Variants in NREP observed in about 807,000 individuals in gnomAD.
The protein encoded by NREP is neuronal regeneration-related protein.
NREP carries 5 observed loss-of-function variants against 8.6 expected under a neutral mutation model. The ratio of observed to expected loss-of-function variants is 0.58; its 90% confidence interval spans 0.30 to 1.22. The LOEUF (loss-of-function observed/expected upper bound fraction) is 1.22, where lower values mean the gene tolerates loss of function less well. NREP is among the 50% of genes most tolerant of loss of function. The pLI is 0.07. For synonymous variants in NREP, 27 were observed against 28.0 expected (o/e 0.96, Z 0.11); for missense variants, 86 against 82.5 (o/e 1.04, Z -0.17).
At position 111,969,866 on chromosome 5, in the gene NREP, T is replaced by C. The variant is rs141978175; in HGVS notation, c.135+5408A>G. On this transcript the variant is annotated intron_variant, in intron 2 of 3. Coordinates refer to the NREP transcript ENST00000395634. ...TCACTGGGTAAAAATGTGGTACTGGTGGATTGAGAAGGGTGGGGACTAGTG... is the reference window on the plus strand; with the variant it reads ...TCACTGGGTAAAAATGTGGTACTGGCGGATTGAGAAGGGTGGGGACTAGTG... Among the ~76,000 whole-genome samples, 233 of 152,212 alleles carry C rather than the reference T, an allele frequency of 1.5e-3. 2 individuals are homozygous for C. Among genetic ancestry groups the C allele is most frequent in the African/African-American group, 5.4e-3 (225 of 41,516 alleles).
chr5:111,881,576 C>A (rs1489208619), intron 2 of NREP, among the ~76,000 whole-genome samples: 1 of 152,122 alleles, frequency 6.6e-6, no homozygotes. Flanking sequence ...CTGGGAGGCA[C>A]CCCCCAGTAG....
At chr5:111,959,860 G>A (rs572885921) in intron 2 of NREP, among the ~76,000 whole-genome samples, 10 of 151,082 alleles carry the variant, frequency 6.6e-5, no homozygotes, top group Non-Finnish European at 1.2e-4. Flanking sequence ...TCATGAAGAA[G>A]TTCATAAATC....
chr5:111,880,715 A>G (rs1754033259), intron 2 of NREP, among the ~76,000 whole-genome samples: 1 of 150,654 alleles, frequency 6.6e-6, no homozygotes, highest in Admixed American at 6.7e-5. Context: ...AGTGCATAAC[A>G]CTAGGAACAT....
chr5:111,776,368 A>T (rs753097134), intron 2 of NREP, among the ~76,000 whole-genome samples: 2 of 152,214 alleles, frequency 1.3e-5, no homozygotes, highest in Non-Finnish European at 2.9e-5. Context: ...GCTGTTAAAA[A>T]GAATGATCAA....
chr5:111,808,085 G>C (rs1334608378), intron 2 of NREP, among the ~76,000 whole-genome samples: 1 of 152,170 alleles, frequency 6.6e-6, no homozygotes, highest in Non-Finnish European at 1.5e-5. Flanking sequence ...CATACACATA[G>C]TTTTCATTCT....
intron 2 of NREP, among the ~76,000 whole-genome samples, chr5:111,864,369 G>C (rs1753619277): frequency 6.6e-6 from 1 of 152,098 alleles, no homozygotes; most frequent in Non-Finnish European, 1.5e-5. Flanking sequence ...TAGCTGAATA[G>C]TATCTCATGG....
chr5:111,748,426 G>T (rs1206742661), intron 2 of NREP, among the ~76,000 whole-genome samples: 1 of 152,066 alleles, frequency 6.6e-6, no homozygotes, highest in Admixed American at 6.6e-5. Flanking sequence ...TGGGCAACCT[G>T]GTCCTGCCCA....
chr5:111,921,464 C>T (rs1755237927), intron 2 of NREP, among the ~76,000 whole-genome samples: 1 of 152,114 alleles, frequency 6.6e-6, no homozygotes, highest in African/African-American at 2.4e-5. Context: ...GATTAGTTGA[C>T]ATAGAAACAG....
chr5:111,732,098 T>G (rs1210747645), intron 3 of NREP: 1 of 152,130 alleles, frequency 6.6e-6, no homozygotes, highest in Non-Finnish European at 1.5e-5. Flanking sequence ...CTTTTTTTTT[T>G]GTTGCTCAAG....
intron 2 of NREP, among the ~76,000 whole-genome samples, chr5:111,960,858 T>G (rs185057621): frequency 9.2e-5 from 14 of 152,306 alleles, no homozygotes; most frequent in Admixed American, 3.3e-4. Context: ...TTTATAAAGC[T>G]GTAAAAGATG....
At chr5:111,782,030 T>G (rs553866064) in intron 2 of NREP, among the ~76,000 whole-genome samples, 2 of 152,160 alleles carry the variant, frequency 1.3e-5, no homozygotes, top group Admixed American at 6.6e-5. Flanking sequence ...ACAGAGAAAA[T>G]GTATGTAAAG....
At chr5:111,812,184 G>A (rs1051624216) in intron 2 of NREP, among the ~76,000 whole-genome samples, 2 of 152,152 alleles carry the variant, frequency 1.3e-5, no homozygotes, top group South Asian at 4.1e-4. Context: ...CTAATTGGGA[G>A]GCTGAGGTGG....
chr5:111,735,057 G>A (rs1413373481), intron 3 of NREP: 3 of 335,622 alleles, frequency 8.9e-6, no homozygotes, highest in Non-Finnish European at 1.6e-5. Context: ...AATCTTATCA[G>A]ACCTTCAGAC....
intron 2 of NREP, among the ~76,000 whole-genome samples, chr5:111,909,750 C>T (rs1025665496): frequency 6.6e-6 from 1 of 152,088 alleles, no homozygotes; most frequent in Non-Finnish European, 1.5e-5. Context: ...TTTTCTAACA[C>T]GAAATCCTAC....
Position 111,835,156 on chromosome 5 carries a change from A to T in NREP, c.136-99649T>A, listed in dbSNP as rs1752863277. Among the ~76,000 whole-genome samples, 7 of 152,156 alleles carry T rather than the reference A, an allele frequency of 4.6e-5. No homozygotes were observed. In the South Asian group the frequency reaches 1.4e-3, roughly 32 times the overall value. ...GATTTCCTATTCAATACATGACACA[A>T]CTTTGCCAAGGTCATGCTGCCCTTG... On this transcript the variant is annotated intron_variant, in intron 2 of 3. Transcript: ENST00000395634.
In NREP at chr5:111,729,359, T is replaced by C. The variant is rs1215269923; in HGVS notation, c.*1562A>G. On this transcript the variant is annotated 3_prime_UTR_variant, in exon 4 of 4. Coordinates refer to ENST00000257435, the MANE Select transcript of NREP (RefSeq NM_004772.4). ...ATACTACTAAAATAGCTAAAATACA[T>C]TGGGTACTTGTCATGAGTGCATCAG... The C allele has an allele frequency of 4.6e-5, 7 of 152,192 alleles. No individual in the cohort carries two copies. The highest frequency in any genetic ancestry group is 7.3e-5 in the Non-Finnish European group (5 of 68,034). 9.4% of individuals were successfully genotyped at this position (152,192 alleles called of 1,614,324 possible). A position where few individuals can be genotyped will look rare whatever the true frequency, so the allele number is the denominator to read the frequency against.
intron 2 of NREP, among the ~76,000 whole-genome samples, chr5:111,852,260 T>A (rs902970134): frequency 6.8e-6 from 1 of 146,230 alleles, no homozygotes; most frequent in Non-Finnish European, 1.5e-5. Context: ...GTGATTTTTC[T>A]AGCTTCACAT....
At position 111,730,805 on chromosome 5, in the gene NREP, G is replaced by C; in HGVS notation, c.*116C>G. 3 of 1,188,262 alleles carry C rather than the reference G, an allele frequency of 2.5e-6. No homozygotes were observed. Among genetic ancestry groups the C allele is most frequent in the Non-Finnish European group, 3.5e-6 (3 of 847,842 alleles). 73.6% of individuals were successfully genotyped at this position (1,188,262 alleles called of 1,614,324 possible). A position where few individuals can be genotyped will look rare whatever the true frequency, so the allele number is the denominator to read the frequency against. ...TGTAAATTCTCTAAAGCAAGGCTCA[G>C]AGTCCCATAGTTTCTTCTTATACTT... is the stretch of plus-strand genomic sequence containing the variant. On this transcript the variant is annotated 3_prime_UTR_variant, in exon 4 of 4. Coordinates refer to ENST00000257435, the MANE Select transcript of NREP (RefSeq NM_004772.4).
chr5:111,933,060 C>T (rs1040689314), intron 2 of NREP, among the ~76,000 whole-genome samples: 2 of 152,096 alleles, frequency 1.3e-5, no homozygotes, highest in Non-Finnish European at 2.9e-5. Context: ...TCTAACTCCT[C>T]CTTAGCATTA....
Sources: allele counts gnomAD v4.1 joint callset (sites outside exome capture counted in the v4.1 genomes callset), GRCh38; gene constraint gnomAD v4.1.1; transcripts MANE v1.5; gene names NCBI Gene and HGNC (gene_info 2026-07-23, HGNC 2026-07-21).